The following SLC5A12 variants were observed in gnomAD, a reference collection of about 807,000 sequenced individuals.
SLC5A12 encodes sodium-coupled monocarboxylate transporter 2.
A neutral mutation model predicts 72.7 loss-of-function variants in SLC5A12; 46 were observed. That is an observed-to-expected ratio of 0.63 (90% confidence interval 0.50 to 0.81). The LOEUF (loss-of-function observed/expected upper bound fraction) is 0.81, where lower values mean the gene tolerates loss of function less well. Among genes scored for constraint, SLC5A12 ranks in the 30% least tolerant of loss-of-function variants. The pLI, the probability that SLC5A12 is intolerant of heterozygous loss-of-function variation, is 0.00. For synonymous variants in SLC5A12, 275 were observed against 264.4 expected (o/e 1.04, Z -0.39); for missense variants, 683 against 740.7 (o/e 0.92, Z 0.90).
rs540823580 is a variant in SLC5A12 at position 26,668,157 on chromosome 11, T to G, written c.*2945A>C. On this transcript the variant is annotated 3_prime_UTR_variant, in exon 15 of 15. Transcript: ENST00000396005. ...CGTGTTTGAACCTAAGCCATTTGACTGCAGTTCCTCACCTCAATCATAAGC... is the reference window on the plus strand; with the variant it reads ...CGTGTTTGAACCTAAGCCATTTGACGGCAGTTCCTCACCTCAATCATAAGC... 6.6e-6 allele frequency: 1 copy of G among 152,048 alleles called. No individual in the cohort carries two copies. The highest frequency in any genetic ancestry group is 1.5e-5 in the Non-Finnish European group (1 of 67,980). The allele number at this position is 152,048 out of a possible 1,614,324, so 9.4% of individuals were successfully genotyped here. A position where few individuals can be genotyped will look rare whatever the true frequency, so the allele number is the denominator to read the frequency against.
At position 26,714,846 on chromosome 11, in the gene SLC5A12, C is replaced by T. The variant is rs532432916; in HGVS notation, c.340-2140G>A. Among the ~76,000 whole-genome samples, 121 of 152,130 alleles carry T rather than the reference C, an allele frequency of 8.0e-4. No homozygotes were observed. The Middle Eastern group carries it at 0.01, about 13-fold the overall frequency. On this transcript the variant is annotated intron_variant, in intron 1 of 14. Transcript: ENST00000396005. ...TCTCAATTTATCCTGCCAGATTCTC[C>T]CAAACCTGAGGTAGAAAACCACCTT...
At chr11:26,677,897 T>A (rs1049373857) in intron 13 of SLC5A12, among the ~76,000 whole-genome samples, 1 of 152,114 alleles carries the variant, frequency 6.6e-6, no homozygotes, top group Non-Finnish European at 1.5e-5. Flanking sequence ...AAATACATAC[T>A]CCAAGGAGGT....
intron 1 of SLC5A12, among the ~76,000 whole-genome samples, chr11:26,719,256 GTTA>G (rs1855423723): frequency 6.6e-6 from 1 of 152,148 alleles, no homozygotes; most frequent in Non-Finnish European, 1.5e-5. Context: ...TTATTGTAAA[GTTA>G]CTGTGCACTA....
chr11:26,713,634 C>T (rs1213494582), intron 1 of SLC5A12, among the ~76,000 whole-genome samples: 1 of 152,062 alleles, frequency 6.6e-6, no homozygotes, highest in Admixed American at 6.6e-5. Flanking sequence ...AATATTAAGA[C>T]TTTTTCATGG....
At chr11:26,673,281 T>C in intron 14 of SLC5A12, 121 bp downstream of exon 14, 1 of 1,153,530 alleles carries the variant, frequency 8.7e-7, no homozygotes, top group Non-Finnish European at 1.2e-6. Flanking sequence ...CTCAAATTCC[T>C]TCAAGTTCTC....
In SLC5A12 at chr11:26,671,053, G is replaced by GTGTGTGTGTA. The variant is rs1275730376; in HGVS notation, c.*48_*49insTACACACACA. ...GGCAAGAAGTATGTGGAGTTTGTGT[G>GTGTGTGTGTA]TGTGTGTGTGTATTGCACGTGTGTG... On this transcript the variant is annotated 3_prime_UTR_variant, in exon 15 of 15. Transcript: ENST00000396005. 6.6e-7 allele frequency: 1 copy of GTGTGTGTGTA among 1,522,894 alleles called. No homozygotes were observed. The highest frequency in any genetic ancestry group is 1.4e-5 in the African/African-American group (1 of 72,484). 94.3% of individuals were successfully genotyped at this position (1,522,894 alleles called of 1,614,324 possible).
intron 6 of SLC5A12, among the ~76,000 whole-genome samples, chr11:26,700,352 AAT>A (rs1854927721): frequency 6.6e-6 from 1 of 152,126 alleles, no homozygotes; most frequent in Non-Finnish European, 1.5e-5. Context: ...CTGTTTGTAA[AAT>A]AGGCTTTTTC....
intron 6 of SLC5A12, 55 bp downstream of exon 6, chr11:26,703,476 A>G: frequency 6.4e-7 from 1 of 1,558,442 alleles, no homozygotes; most frequent in Non-Finnish European, 8.8e-7. Context: ...AATATATAAT[A>G]AGTACCAAAT....
chr11:26,713,500 A>C (rs1053737340), intron 1 of SLC5A12, among the ~76,000 whole-genome samples: 1 of 152,282 alleles, frequency 6.6e-6, no homozygotes, highest in African/African-American at 2.4e-5. Flanking sequence ...AGAATTATGC[A>C]GTTGAAATAG....
rs774114821 is a variant in SLC5A12, at chr11:26,703,811, G to A, written c.662C>T (p.Ser221Phe). 1.2e-6 allele frequency: 2 copies of A among 1,613,892 alleles called. No individual in the cohort carries two copies. The highest frequency in any genetic ancestry group is 1.1e-5 in the South Asian group (1 of 91,082). ...HNVLEQSTNGSRLHIFDFDVD... is the reference protein window; with the variant it reads ...HNVLEQSTNGFRLHIFDFDVD... ...GACATACTCAAATATATGTAGTCGA[G>A]ATCCATTTGTTGATTGCTCTAATAC... The change falls in exon 5 of 15, where the codon TCT becomes TTT. Residue 221 changes from serine (S) to phenylalanine (F), a missense_variant. Ser to Phe is a radical substitution (Grantham distance 155). Coordinates refer to ENST00000396005, the MANE Select transcript of SLC5A12 (RefSeq NM_178498.4).
intron 4 of SLC5A12, among the ~76,000 whole-genome samples, chr11:26,704,774 G>C (rs1855045578): frequency 6.6e-6 from 1 of 152,034 alleles, no homozygotes; most frequent in Admixed American, 6.6e-5. Flanking sequence ...AAGAAGTAAG[G>C]GAATGAAAAC....
At chr11:26,676,560 C>A (rs1854272112) in intron 13 of SLC5A12, among the ~76,000 whole-genome samples, 1 of 151,990 alleles carries the variant, frequency 6.6e-6, no homozygotes, top group Non-Finnish European at 1.5e-5. Flanking sequence ...TAGCATCAAT[C>A]TCTATATACT....
chr11:26,679,699 A>G (rs1317727304), intron 12 of SLC5A12, among the ~76,000 whole-genome samples: 1 of 152,134 alleles, frequency 6.6e-6, no homozygotes, highest in African/African-American at 2.4e-5. Context: ...ACGAGAAGAA[A>G]CAGAATTCAG....
At chr11:26,674,386 T>TAA (rs947575617) in intron 13 of SLC5A12, among the ~76,000 whole-genome samples, 1 of 149,916 alleles carries the variant, frequency 6.7e-6, no homozygotes, top group African/African-American at 2.5e-5. Flanking sequence ...ACAAAAAAAA[T>TAA]AAAAAAATGT....
rs767139170 is a variant in SLC5A12, at chr11:26,686,547, G to C, written c.1154-3C>G. The C allele has an allele frequency of 6.2e-7, 1 of 1,613,460 alleles. No individual in the cohort carries two copies. Among genetic ancestry groups the C allele is most frequent in the South Asian group, 1.1e-5 (1 of 91,048 alleles). On this transcript the variant is annotated splice_region_variant and splice_polypyrimidine_tract_variant and intron_variant, in intron 9 of 14. Coordinates refer to ENST00000396005, the MANE Select transcript of SLC5A12 (RefSeq NM_178498.4). ...ACACATCACGCCAAATAAGAGACCT[G>C]AAAGAAAGAAAAATTACAATCATAA...
rs532284624 is a variant in SLC5A12, at chr11:26,694,208, C to T, written c.1041-1607G>A. On this transcript the variant is annotated intron_variant, in intron 8 of 14. Transcript: ENST00000396005. ...TCCCCTACCTCTCAACCACTATCTT[C>T]CCATTCTATCCCTACTCCTGTCTTT... Among the ~76,000 whole-genome samples the T allele has an allele frequency of 2.6e-5, 4 of 152,216 alleles. No homozygotes were observed. In the South Asian group the frequency reaches 8.3e-4, roughly 32 times the overall value.
intron 1 of SLC5A12, among the ~76,000 whole-genome samples, chr11:26,717,100 A>C (rs998136168): frequency 6.6e-6 from 1 of 152,204 alleles, no homozygotes; most frequent in African/African-American, 2.4e-5. Flanking sequence ...TAAACATTGA[A>C]TTTCTCAAAA....
chr11:26,679,690 C>T (rs576175830), intron 12 of SLC5A12, among the ~76,000 whole-genome samples: 9 of 151,956 alleles, frequency 5.9e-5, no homozygotes, highest in East Asian at 5.8e-4. Flanking sequence ...CATAGGTAGA[C>T]GAGAAGAAAC....
rs138192976 is a variant in SLC5A12, at chr11:26,698,448, G to C, written c.909C>G (p.Asp303Glu). 347 of 1,614,038 alleles carry C rather than the reference G, an allele frequency of 2.1e-4. No homozygotes were observed. The East Asian group carries it at 4.0e-3, about 19-fold the overall frequency. ...SGLIMYSHFK[D>E]CDPWTSGIIS... ...TGATGCCAGAAGTCCAAGGGTCACA[G>C]TCTTTAAAGTGAGAGTACATGATTA... Residue 303 changes from aspartate to glutamate, a missense_variant, in exon 7 of 15, where the codon GAC becomes GAG. Coordinates refer to ENST00000396005, the MANE Select transcript of SLC5A12 (RefSeq NM_178498.4).
Sources: gnomAD v4.1 joint callset for allele counts (sites outside exome capture counted in the v4.1 genomes callset) on GRCh38, gnomAD v4.1.1 for gene constraint, MANE v1.5 for transcripts, NCBI Gene and HGNC (gene_info 2026-07-23, HGNC 2026-07-21) for gene names.